The following MYOM3 variants were observed in gnomAD, a reference collection of about 807,000 sequenced individuals.
MYOM3 encodes the protein myomesin-3.
MYOM3 carries 155 observed loss-of-function variants against 191.7 expected under a neutral mutation model. That is an observed-to-expected ratio of 0.81 (90% CI 0.71 to 0.92). The LOEUF (loss-of-function observed/expected upper bound fraction) is 0.92. Ranked by LOEUF, MYOM3 falls within the 40% of genes least tolerant of loss-of-function variation. MYOM3 has a pLI of 0.00. For synonymous variants in MYOM3, 757 were observed against 762.9 expected (o/e 0.99, Z 0.13); for missense variants, 1,889 against 1,890.6 (o/e 1.00, Z 0.02).
At chr1:24,100,395 C>T (rs1643903376) in intron 5 of MYOM3, among the ~76,000 whole-genome samples, 1 of 152,138 alleles carries the variant, frequency 6.6e-6, no homozygotes, top group South Asian at 2.1e-4. Flanking sequence ...AAGAGGGAGC[C>T]TGTAATTAAG....
chr1:24,098,482 T>A (rs111671092), intron 6 of MYOM3, among the ~76,000 whole-genome samples: 2 of 152,312 alleles, frequency 1.3e-5, no homozygotes, highest in African/African-American at 4.8e-5. Flanking sequence ...GTCTTAGGTG[T>A]GGGTCTCACC....
chr1:24,076,333 G>T, intron 20 of MYOM3, 60 bp from the exon 21 acceptor site: 1 of 1,269,174 alleles, frequency 7.9e-7, no homozygotes, highest in Non-Finnish European at 1.2e-6. Context: ...TGAAACCTGG[G>T]CCCCAGGGAG....
rs576347718 is a variant in MYOM3, at chr1:24,092,305, G to A, written c.1101C>T (p.Ala367=). The stretch of plus-strand genomic sequence containing the variant: ...GGGAGCCTGGGGCCCCGGGGTTCTC[G>A]GCCTCGGCATCTGAAACCCGGGGGT... ...STYVLVRDAE[A]ENPGAPGSPL... The change falls in exon 11 of 37, where the codon GCC becomes GCT. Residue 367 remains alanine, a synonymous_variant. Transcript: ENST00000374434. 4.6e-5 allele frequency: 62 copies of A among 1,353,354 alleles called. No homozygotes were observed. In the South Asian group the frequency reaches 9.7e-4, roughly 21 times the overall value. 83.8% of individuals were successfully genotyped at this position (1,353,354 alleles called of 1,614,324 possible).
In MYOM3 at chr1:24,067,069, C is replaced by A; in HGVS notation, c.3375G>T (p.Pro1125=). The change falls in exon 28 of 37, where the codon CCG becomes CCT. Residue 1125 remains proline (P), a synonymous_variant. Coordinates refer to ENST00000374434, the MANE Select transcript of MYOM3 (RefSeq NM_152372.4). ...AGTCCTCCGTGACCTTCCACTGCAA[C>A]GGCCGCTCAAAATAGGGACCTGTGC... The part of the protein sequence containing the change: ...KRKQGPYFER[P]LQWKVTEDCQ... 1 of 1,578,654 alleles carries A rather than the reference C, an allele frequency of 6.3e-7. No individual in the cohort carries two copies. Among genetic ancestry groups the A allele is most frequent in the Non-Finnish European group, 8.6e-7 (1 of 1,160,008 alleles).
chr1:24,092,023 G>A lies in MYOM3; in HGVS notation c.1232+151C>T, dbSNP rs930865506. The A allele has an allele frequency of 7.6e-6, 5 of 660,060 alleles. No individual in the cohort carries two copies. The African/African-American group carries it at 9.4e-5, about 12-fold the overall frequency. 40.9% of individuals were successfully genotyped at this position (660,060 alleles called of 1,614,324 possible). A position where few individuals can be genotyped will look rare whatever the true frequency, so the allele number is the denominator to read the frequency against. ...GGATGCCCCTCCATTGCCCCTAAAT[G>A]ACACAGCACAGCCTGTCTCCTGTCC... On this transcript the variant is annotated intron_variant, in intron 11 of 36. Transcript: ENST00000374434.
At chr1:24,064,434 C>T (rs1015228032) in intron 29 of MYOM3, among the ~76,000 whole-genome samples, 5 of 152,172 alleles carry the variant, frequency 3.3e-5, no homozygotes, top group Non-Finnish European at 7.4e-5. Flanking sequence ...CAGACACCTT[C>T]GTTTGCATTC....
At position 24,069,508 on chromosome 1, in the gene MYOM3, C is replaced by T. The variant is rs72877658; in HGVS notation, c.3151-1141G>A. Among the ~76,000 whole-genome samples, 1,301 of 152,160 alleles carry T rather than the reference C, an allele frequency of 8.6e-3. 12 individuals carry two copies. Among genetic ancestry groups the T allele is most frequent in the Middle Eastern group, 0.031 (9 of 294 alleles). ...TGAGACTCCTGTCAGAACTAGTGCC[C>T]TCTTTCTATAATACATGTTTTCTTT... On this transcript the variant is annotated intron_variant, in intron 25 of 36. Coordinates refer to ENST00000374434, the MANE Select transcript of MYOM3 (RefSeq NM_152372.4).
chr1:24,070,560 C>A (rs1643518228), intron 25 of MYOM3, among the ~76,000 whole-genome samples: 1 of 151,942 alleles, frequency 6.6e-6, no homozygotes, highest in African/African-American at 2.4e-5. Flanking sequence ...TGCACTTTAG[C>A]CATGGTGACA....
chr1:24,099,805 A>G, intron 5 of MYOM3, 30 bp from the exon 6 acceptor site: 2 of 1,571,192 alleles, frequency 1.3e-6, no homozygotes, highest in Non-Finnish European at 1.8e-6. Flanking sequence ...TGTGGCAGGC[A>G]GGGTGGTTCT....
chr1:24,094,520 C>T (rs1643868276), intron 9 of MYOM3, among the ~76,000 whole-genome samples: 1 of 152,082 alleles, frequency 6.6e-6, no homozygotes, highest in Non-Finnish European at 1.5e-5. Flanking sequence ...TGAGCAGGTG[C>T]CTGGTCAGTG....
chr1:24,063,556 A>G lies in MYOM3; in HGVS notation c.3623-26T>C. ...CTGGCGGGAAACAGAGAGAAGGGTT[A>G]GCTGGCATAGGGCTCCCCTAGGGAT... On this transcript the variant is annotated intron_variant, in intron 30 of 36. Coordinates refer to ENST00000374434, the MANE Select transcript of MYOM3 (RefSeq NM_152372.4). The surrounding 1 kb of genome is among the most constrained non-coding windows in gnomAD (Gnocchi z 4.5). 6.2e-7 allele frequency: 1 copy of G among 1,614,078 alleles called. No homozygotes were observed. Among genetic ancestry groups the G allele is most frequent in the South Asian group, 1.1e-5 (1 of 91,066 alleles).
chr1:24,081,593 C>CAAA, intron 18 of MYOM3, 137 bp from the exon 19 acceptor site: 3 of 1,041,128 alleles, frequency 2.9e-6, no homozygotes, highest in East Asian at 2.6e-5. Flanking sequence ...GACATGGTCT[C>CAAA]ACTTTGTCAC....
Position 24,075,381 on chromosome 1 carries a change from C to G in MYOM3, c.2796G>C (p.Trp932Cys), listed in dbSNP as rs1261468934. The G allele has an allele frequency of 6.2e-7, 1 of 1,612,632 alleles. No homozygotes were observed. Among genetic ancestry groups the G allele is most frequent in the Admixed American group, 1.7e-5 (1 of 59,884 alleles). Residue 932 changes from tryptophan (W) to cysteine (C), a missense_variant, in exon 22 of 37, where the codon TGG (tryptophan) becomes TGC (cysteine). By Grantham distance (215) the Trp-to-Cys change is radical (BLOSUM62 -2). Transcript: ENST00000374434. ...CCAGTGGGCCCTTGTAGTCTTTGGA[C>G]CACTGAAACTCTGAGGAGTCGGGGG... Reference protein sequence around the residue: ...PEAPDSSEFQWSKDYKGPLDP... With the variant: ...PEAPDSSEFQCSKDYKGPLDP...
At position 24,101,751 on chromosome 1, in the gene MYOM3, CA is replaced by C. The variant is rs981420402; in HGVS notation, c.561-1977del. Among the ~76,000 whole-genome samples, 224 of 150,144 alleles carry C rather than the reference CA, an allele frequency of 1.5e-3. 2 individuals are homozygous for C. The highest frequency in any genetic ancestry group is 4.5e-3 in the African/African-American group (186 of 40,972). Reference sequence around the variant, plus strand: ...TGGGTGATAGAGCAAGACCCTGTCTCAAAAAAAAAATTTGTTTTTCTTAATG... The same window carrying C: ...TGGGTGATAGAGCAAGACCCTGTCTCAAAAAAAAATTTGTTTTTCTTAATG... On this transcript the variant is annotated intron_variant, in intron 5 of 36. Coordinates refer to ENST00000374434, the MANE Select transcript of MYOM3 (RefSeq NM_152372.4).
At chr1:24,075,607 C>A in intron 21 of MYOM3, 132 bp from the exon 22 acceptor site, 1 of 933,744 alleles carries the variant, frequency 1.1e-6, no homozygotes, top group East Asian at 2.9e-5. Flanking sequence ...CTGTGGCTGC[C>A]AAGGCCTTGC....
chr1:24,067,146 A>C, intron 27 of MYOM3, 58 bp from the exon 28 acceptor site: 1 of 1,525,760 alleles, frequency 6.6e-7, no homozygotes, highest in Non-Finnish European at 8.9e-7. Flanking sequence ...CCAGGGTGCC[A>C]CCTGTGTCCA....
At chr1:24,070,985 A>C in intron 25 of MYOM3, 132 bp downstream of exon 25, 1 of 1,153,340 alleles carries the variant, frequency 8.7e-7, no homozygotes, top group South Asian at 1.4e-5. Context: ...TCATCACTGC[A>C]ACAGCAAAAG....
Position 24,057,253 on chromosome 1 carries a change from C to T in MYOM3, c.*111G>A, listed in dbSNP as rs890396398. On this transcript the variant is annotated 3_prime_UTR_variant, in exon 37 of 37. Transcript: ENST00000374434. ...CCTCACATCCTGGGTTCTATCTTGT[C>T]CCCTTTCCTTCTGCCCCACCCCTGT... 7.2e-6 allele frequency: 8 copies of T among 1,106,512 alleles called. No individual in the cohort carries two copies. Among genetic ancestry groups the T allele is most frequent in the Non-Finnish European group, 9.0e-6 (7 of 775,680 alleles). The allele number at this position is 1,106,512 out of a possible 1,614,324, so 68.5% of individuals were successfully genotyped here. A position where few individuals can be genotyped will look rare whatever the true frequency, so the allele number is the denominator to read the frequency against.
In MYOM3 at chr1:24,064,056, C is replaced by T; in HGVS notation, c.3622+16G>A. ...TGTGCTCCCTCCACAGCCCCTGACC[C>T]ATCGCCAGCTCCTACCGTCACCCGT... On this transcript the variant is annotated intron_variant, in intron 30 of 36. Coordinates refer to ENST00000374434, the MANE Select transcript of MYOM3 (RefSeq NM_152372.4). The T allele has an allele frequency of 6.2e-7, 1 of 1,606,832 alleles. No homozygotes were observed. The highest frequency in any genetic ancestry group is 8.5e-7 in the Non-Finnish European group (1 of 1,173,638).
Sources: gnomAD v4.1 joint callset for allele counts (sites outside exome capture counted in the v4.1 genomes callset) on GRCh38, gnomAD v4.1.1 for gene constraint, Gnocchi (gnomAD v3.1) non-coding constraint, MANE v1.5 for transcripts, NCBI Gene and HGNC (gene_info 2026-07-23, HGNC 2026-07-21) for gene names.